The following TTC28 variants were observed in gnomAD, a reference collection of about 807,000 sequenced individuals.
TTC28 encodes the protein tetratricopeptide repeat domain 28, also known as tetratricopeptide repeat protein 28.
In TTC28, 61 loss-of-function variants were observed where a neutral mutation model predicts 198.0. The observed-to-expected ratio is 0.31, with a 90% CI of 0.25 to 0.38. The LOEUF (loss-of-function observed/expected upper bound fraction) is 0.38. Ranked by LOEUF, TTC28 falls within the 10% of genes least tolerant of loss-of-function variation. The pLI is 1.00. For synonymous variants in TTC28, 1,171 were observed against 1,297.8 expected (o/e 0.90, Z 2.10); for missense variants, 2,678 against 3,164.0 (o/e 0.85, Z 3.69).
chr22:28,387,802 C>G (rs1601728533), intron 2 of TTC28, among the ~76,000 whole-genome samples: 1 of 151,930 alleles, frequency 6.6e-6, no homozygotes, highest in East Asian at 1.9e-4. Flanking sequence ...GTTGCCTGTT[C>G]ACTCTGATGG....
At position 27,985,238 on chromosome 22, in the gene TTC28, C is replaced by G. The variant is rs1429073534; in HGVS notation, c.5815+11G>C. On this transcript the variant is annotated intron_variant, in intron 22 of 22. Coordinates refer to ENST00000397906, the MANE Select transcript of TTC28 (RefSeq NM_001145418.2). Reference sequence around the variant, plus strand: ...CCCTGGTGGAGAACTGGTCTGAGGGCAGGCTCTTACCAAACAGAGACAGCA... The same window carrying G: ...CCCTGGTGGAGAACTGGTCTGAGGGGAGGCTCTTACCAAACAGAGACAGCA... 1.6e-5 allele frequency: 24 copies of G among 1,546,514 alleles called. No individual in the cohort carries two copies. Among genetic ancestry groups the G allele is most frequent in the Non-Finnish European group, 2.1e-5 (24 of 1,142,786 alleles).
rs981873058 is a variant in TTC28, at chr22:28,163,223, T to C, written c.1310A>G (p.Tyr437Cys). Reference protein sequence around the residue: ...LMEKAIEMRAYAGLGHAARCM... With the variant: ...LMEKAIEMRACAGLGHAARCM... ...CCTGGCAGCATGGCCTAGTCCAGCATAGGCCCGCATCTCAATAGCCTTCTC... is the reference window on the plus strand; with the variant it reads ...CCTGGCAGCATGGCCTAGTCCAGCACAGGCCCGCATCTCAATAGCCTTCTC... The change falls in exon 6 of 23, where the codon TAT (tyrosine) becomes TGT (cysteine). Residue 437 changes from tyrosine to cysteine, a missense_variant. Physicochemically the swap from Tyr to Cys is radical, Grantham distance 194. This residue lies in a region of TTC28 where 775 missense variants were observed against 845.9 expected (regional missense o/e 0.92). Coordinates refer to ENST00000397906, the MANE Select transcript of TTC28 (RefSeq NM_001145418.2). 1.9e-6 allele frequency: 3 copies of C among 1,551,670 alleles called. No individual in the cohort carries two copies. The highest frequency in any genetic ancestry group is 2.6e-6 in the Non-Finnish European group (3 of 1,147,024).
At chr22:28,298,257 T>A (rs1017329579) in intron 3 of TTC28, among the ~76,000 whole-genome samples, 1 of 152,248 alleles carries the variant, frequency 6.6e-6, no homozygotes, top group Non-Finnish European at 1.5e-5. Context: ...TTGTGCTGCA[T>A]TTTAATGGTA....
At chr22:28,280,538 A>G (rs914659503) in intron 5 of TTC28, among the ~76,000 whole-genome samples, 7 of 152,136 alleles carry the variant, frequency 4.6e-5, no homozygotes, top group African/African-American at 1.7e-4. Flanking sequence ...GGGTTTCACC[A>G]TGCTGGTCAG....
intron 2 of TTC28, among the ~76,000 whole-genome samples, chr22:28,328,282 G>A (rs2045562182): frequency 6.6e-6 from 1 of 151,548 alleles, no homozygotes; most frequent in African/African-American, 2.4e-5. Context: ...AAAATATAAT[G>A]ATTTAAAAAA....
intron 12 of TTC28, among the ~76,000 whole-genome samples, chr22:28,090,123 A>T (rs189709310): frequency 8.3e-4 from 126 of 152,232 alleles, no homozygotes; most frequent in African/African-American, 2.9e-3. Context: ...ATAATAATAA[A>T]AAAAGTACTA....
At chr22:28,042,801 C>T (rs545950366) in intron 12 of TTC28, among the ~76,000 whole-genome samples, 48 of 151,956 alleles carry the variant, frequency 3.2e-4, no homozygotes, top group Non-Finnish European at 6.3e-4. Flanking sequence ...ACTCTATGGG[C>T]TGCCTCACAT....
At chr22:28,017,021 G>T (rs1938404901) in intron 13 of TTC28, among the ~76,000 whole-genome samples, 1 of 152,168 alleles carries the variant, frequency 6.6e-6, no homozygotes, top group Admixed American at 6.5e-5. Flanking sequence ...TGGAAGAAGT[G>T]GTGGGCAGAC....
intron 2 of TTC28, among the ~76,000 whole-genome samples, chr22:28,323,979 GGA>G (rs1245111220): frequency 2.0e-5 from 3 of 151,974 alleles, no homozygotes; most frequent in Non-Finnish European, 4.4e-5. Flanking sequence ...AAGAGCTGAA[GGA>G]AAAAATTTTT....
intron 2 of TTC28, among the ~76,000 whole-genome samples, chr22:28,622,124 G>A (rs2051009866): frequency 6.6e-6 from 1 of 152,166 alleles, no homozygotes; most frequent in African/African-American, 2.4e-5. Flanking sequence ...TTTTCAAGGT[G>A]CAAGGGTCAG....
At chr22:28,099,775 T>G (rs974633314) in intron 9 of TTC28, among the ~76,000 whole-genome samples, 2 of 152,224 alleles carry the variant, frequency 1.3e-5, no homozygotes, top group African/African-American at 4.8e-5. Context: ...CCCTCGTGCC[T>G]CATGGTGAGT....
At chr22:27,993,863 G>A (rs182738935) in intron 17 of TTC28, among the ~76,000 whole-genome samples, 12 of 152,282 alleles carry the variant, frequency 7.9e-5, no homozygotes, top group African/African-American at 2.9e-4. Flanking sequence ...AATGGCTCCT[G>A]CCCACTAGGA....
At chr22:28,181,444 T>C (rs1271247731) in intron 5 of TTC28, among the ~76,000 whole-genome samples, 1 of 152,200 alleles carries the variant, frequency 6.6e-6, no homozygotes, top group Non-Finnish European at 1.5e-5. Context: ...GCTCTATAAA[T>C]AGTAAAACTG....
intron 2 of TTC28, among the ~76,000 whole-genome samples, chr22:28,501,256 T>C (rs1232880141): frequency 6.6e-6 from 1 of 152,152 alleles, no homozygotes; most frequent in Admixed American, 6.5e-5. Context: ...ACTGGCACTA[T>C]ATTAAAAGCT....
intron 3 of TTC28, among the ~76,000 whole-genome samples, chr22:28,301,206 T>A (rs1425677242): frequency 6.6e-6 from 1 of 152,198 alleles, no homozygotes; most frequent in Non-Finnish European, 1.5e-5. Context: ...TTCAACTCTA[T>A]TATTCTAACT....
intron 12 of TTC28, among the ~76,000 whole-genome samples, chr22:28,085,669 T>C (rs1202070995): frequency 2.4e-4 from 36 of 151,888 alleles, no homozygotes; most frequent in Non-Finnish European, 4.7e-4. Context: ...CAATATTAAC[T>C]TTAAATGTAA....
chr22:28,034,392 GCTC>G (rs1336110226), intron 12 of TTC28, among the ~76,000 whole-genome samples: 7 of 152,164 alleles, frequency 4.6e-5, no homozygotes, highest in Non-Finnish European at 7.4e-5. Context: ...TGTCTACCCA[GCTC>G]TGGACCCTTG....
intron 2 of TTC28, among the ~76,000 whole-genome samples, chr22:28,622,285 A>G (rs1382656830): frequency 1.3e-5 from 2 of 152,168 alleles, no homozygotes; most frequent in Admixed American, 6.5e-5. Flanking sequence ...GAAAAGAAAG[A>G]CCCAAATTCT....
intron 5 of TTC28, among the ~76,000 whole-genome samples, chr22:28,288,384 A>G (rs948483842): frequency 2.0e-5 from 3 of 152,346 alleles, no homozygotes; most frequent in South Asian, 4.1e-4. Context: ...TCTAAACATC[A>G]TATGTATGAC....
Sources: allele counts gnomAD v4.1 joint callset (sites outside exome capture counted in the v4.1 genomes callset), GRCh38; gene constraint gnomAD v4.1.1; regional missense constraint gnomAD v4.1.1; transcripts MANE v1.5; gene names NCBI Gene and HGNC (gene_info 2026-07-23, HGNC 2026-07-21).